The following MYO1D variants were observed in gnomAD, a reference collection of about 807,000 sequenced individuals.
The protein encoded by MYO1D is myosin ID, also known as unconventional myosin-Id.
A neutral mutation model predicts 122.0 loss-of-function variants in MYO1D; 83 were observed. The observed-to-expected ratio is 0.68, with a 90% CI of 0.57 to 0.82. MYO1D has a LOEUF of 0.82. Ranked by LOEUF, MYO1D falls within the 40% of genes least tolerant of loss-of-function variation. MYO1D has a pLI of 0.00. For synonymous variants in MYO1D, 464 were observed against 446.9 expected (o/e 1.04, Z -0.48); for missense variants, 1,157 against 1,269.5 (o/e 0.91, Z 1.35).
At chr17:32,749,417 T>C (rs2089875113) in intron 11 of MYO1D, among the ~76,000 whole-genome samples, 1 of 152,186 alleles carries the variant, frequency 6.6e-6, no homozygotes, top group African/African-American at 2.4e-5. Flanking sequence ...CACAGACTTC[T>C]ACTATCTTAT....
At chr17:32,724,122 C>T (rs906607415) in intron 14 of MYO1D, among the ~76,000 whole-genome samples, 1 of 151,968 alleles carries the variant, frequency 6.6e-6, no homozygotes, top group Non-Finnish European at 1.5e-5. Flanking sequence ...GGAAGTCGGG[C>T]GGAGGCACTG....
chr17:32,587,841 T>C (rs1051877648), intron 21 of MYO1D, among the ~76,000 whole-genome samples: 6 of 152,206 alleles, frequency 3.9e-5, no homozygotes, highest in African/African-American at 1.4e-4. Flanking sequence ...TCTCCTCTGT[T>C]CCAGCTACTT....
chr17:32,824,855 C>T (rs1024787134), intron 1 of MYO1D, among the ~76,000 whole-genome samples: 1 of 152,196 alleles, frequency 6.6e-6, no homozygotes, highest in Non-Finnish European at 1.5e-5. Flanking sequence ...CCTCCCTCCT[C>T]TTATAGTAGC....
At chr17:32,836,537 G>A (rs2090826553) in intron 1 of MYO1D, among the ~76,000 whole-genome samples, 1 of 152,052 alleles carries the variant, frequency 6.6e-6, no homozygotes, top group African/African-American at 2.4e-5. Context: ...TAATCAATTT[G>A]CCTACTCTTC....
At chr17:32,661,788 CCAAT>C (rs2088569155) in intron 16 of MYO1D, among the ~76,000 whole-genome samples, 1 of 152,020 alleles carries the variant, frequency 6.6e-6, no homozygotes, top group East Asian at 1.9e-4. Context: ...ATCTACCTTC[CCAAT>C]CATAGTTAAA....
chr17:32,558,568 A>G (rs141985162), intron 21 of MYO1D, among the ~76,000 whole-genome samples: 2 of 152,160 alleles, frequency 1.3e-5, no homozygotes, highest in African/African-American at 4.8e-5. Context: ...GAGCCCAGAA[A>G]TGTTCTTTCT....
chr17:32,600,863 GTTTAA>G (rs752539623), intron 21 of MYO1D, among the ~76,000 whole-genome samples: 1 of 151,714 alleles, frequency 6.6e-6, no homozygotes, highest in Non-Finnish European at 1.5e-5. Context: ...CAACTGGGCT[GTTTAA>G]TTTAAGAGGC....
intron 1 of MYO1D, among the ~76,000 whole-genome samples, chr17:32,807,278 T>C (rs2090523477): frequency 6.6e-6 from 1 of 152,154 alleles, no homozygotes; most frequent in African/African-American, 2.4e-5. Context: ...TTAAACAGGG[T>C]AACCTTAGTT....
At chr17:32,660,526 T>A (rs1194174238) in intron 16 of MYO1D, among the ~76,000 whole-genome samples, 1 of 152,242 alleles carries the variant, frequency 6.6e-6, no homozygotes, top group Non-Finnish European at 1.5e-5. Context: ...GTGCTTGCAG[T>A]GTTCTCCCTT....
At chr17:32,862,552 A>C (rs1233139680) in intron 1 of MYO1D, among the ~76,000 whole-genome samples, 2 of 152,236 alleles carry the variant, frequency 1.3e-5, no homozygotes, top group Non-Finnish European at 2.9e-5. Context: ...AAAGGAAATA[A>C]ATCAAGGTAT....
At chr17:32,709,398 A>G (rs1213436416) in intron 16 of MYO1D, among the ~76,000 whole-genome samples, 2 of 152,318 alleles carry the variant, frequency 1.3e-5, no homozygotes, top group East Asian at 3.9e-4. Flanking sequence ...ATCTACCAAA[A>G]AAACCCTAAA....
chr17:32,550,213 C>T (rs2086999687), intron 21 of MYO1D, among the ~76,000 whole-genome samples: 1 of 151,662 alleles, frequency 6.6e-6, no homozygotes, highest in Admixed American at 6.6e-5. Context: ...GATTCTCGTG[C>T]CTCAGCCTTC....
chr17:32,548,390 T>G (rs542780489), intron 21 of MYO1D, among the ~76,000 whole-genome samples: 1 of 150,682 alleles, frequency 6.6e-6, no homozygotes, highest in South Asian at 2.1e-4. Context: ...ATCGCGCCAC[T>G]GCACTCCAGC....
At chr17:32,661,590 G>A (rs2088565936) in intron 16 of MYO1D, among the ~76,000 whole-genome samples, 3 of 151,962 alleles carry the variant, frequency 2.0e-5, no homozygotes. Context: ...AGGAAGTTGA[G>A]GCTATAGTGA....
rs985305750 is a variant in MYO1D at position 32,857,930 on chromosome 17, C to T, written c.95+18848G>A. ...TCCAATTATATCATTATTCTTGGAACGAATTATATGTAGTCCTCAGTATAC... is the reference window on the plus strand; with the variant it reads ...TCCAATTATATCATTATTCTTGGAATGAATTATATGTAGTCCTCAGTATAC... On this transcript the variant is annotated intron_variant, in intron 1 of 21. Transcript: ENST00000318217. 9.2e-5 allele frequency among the ~76,000 whole-genome samples: 14 copies of T among 152,138 alleles called. No homozygotes were observed. The East Asian group carries it at 9.6e-4, about 10-fold the overall frequency.
chr17:32,572,019 T>A (rs6505304), intron 21 of MYO1D, among the ~76,000 whole-genome samples: 44,996 of 152,010 alleles, frequency 0.3, 7,121 homozygotes, highest in Non-Finnish European at 0.36. Flanking sequence ...ATCCACTGAC[T>A]TCCTTTTACA....
intron 21 of MYO1D, among the ~76,000 whole-genome samples, chr17:32,575,316 T>TA (rs1357932129): frequency 2.0e-5 from 3 of 152,254 alleles, no homozygotes; most frequent in South Asian, 2.1e-4. Flanking sequence ...CTCAATCCAT[T>TA]AAAAAATCAT....
At chr17:32,580,230 TCA>T (rs1381320997) in intron 21 of MYO1D, among the ~76,000 whole-genome samples, 1 of 151,674 alleles carries the variant, frequency 6.6e-6, no homozygotes, top group Non-Finnish European at 1.5e-5. Context: ...TTAGATTTTT[TCA>T]CAGATGTACT....
At chr17:32,741,027 T>C (rs747420879) in intron 13 of MYO1D, among the ~76,000 whole-genome samples, 10 of 152,020 alleles carry the variant, frequency 6.6e-5, no homozygotes, top group Non-Finnish European at 1.2e-4. Flanking sequence ...GTGTGTATAT[T>C]ATCAAGGTCT....
Sources: allele counts gnomAD v4.1 joint callset (sites outside exome capture counted in the v4.1 genomes callset), GRCh38; gene constraint gnomAD v4.1.1; transcripts MANE v1.5; gene names NCBI Gene and HGNC (gene_info 2026-07-23, HGNC 2026-07-21).